Variants in SLC9A7 observed in about 807,000 individuals in gnomAD.
SLC9A7 encodes solute carrier family 9 member A7.
SLC9A7 carries 19 observed loss-of-function variants against 52.6 expected under a neutral mutation model. The observed-to-expected ratio is 0.36, with a 90% CI of 0.25 to 0.53. SLC9A7 has a LOEUF of 0.53. SLC9A7 is among the 20% of genes least tolerant of loss of function. The pLI, the probability that SLC9A7 is intolerant of heterozygous loss-of-function variation, is 0.91. For synonymous variants in SLC9A7, 226 were observed against 252.1 expected (o/e 0.90, Z 0.98); for missense variants, 455 against 597.9 (o/e 0.76, Z 2.49).
At position 46,662,644 on chromosome X, in the gene SLC9A7, C is replaced by T; in HGVS notation, c.794-1G>A. On this transcript the variant is annotated splice_acceptor_variant, in intron 5 of 16. Coordinates refer to ENST00000616978, the MANE Select transcript of SLC9A7 (RefSeq NM_001257291.2). LOFTEE classifies it high-confidence loss of function. ...TCATTAAATATCGCCAGCACAGTCA[C>T]TGAAAAGTGAGCCGAAAGCACAGAA... 8.4e-7 allele frequency: 1 copy of T among 1,192,871 alleles called. No individual in the cohort carries two copies. The highest frequency in any genetic ancestry group is 1.1e-6 in the Non-Finnish European group (1 of 879,624).
intron 15 of SLC9A7, among the ~76,000 whole-genome samples, chrX:46,618,418 G>A (rs1190751189): frequency 9.0e-6 from 1 of 110,952 alleles, no homozygotes; most frequent in Non-Finnish European, 1.9e-5. Flanking sequence ...GTTAGGCAGA[G>A]CATCTCAAAT....
At chrX:46,626,763 T>A (rs1943137002) in intron 14 of SLC9A7, among the ~76,000 whole-genome samples, 1 of 111,972 alleles carries the variant, frequency 8.9e-6, no homozygotes, top group Admixed American at 9.4e-5. Flanking sequence ...TCCCCCTTGC[T>A]CTCTCTCTCT....
rs1942684106 is a variant in SLC9A7, at chrX:46,603,106, G to T, written c.*3846C>A. On this transcript the variant is annotated 3_prime_UTR_variant, in exon 17 of 17. Transcript: ENST00000616978. ...CCAGCTTCCTAACACACAAAGAAAG[G>T]CCGGGGTAGGGTTACTGGGCAAATG... The T allele has an allele frequency of 9.0e-6, 1 of 111,235 alleles. No individual in the cohort carries two copies. The highest frequency in any genetic ancestry group is 3.3e-5 in the African/African-American group (1 of 30,574). The allele number at this position is 111,235 out of a possible 1,213,427, so 9.2% of individuals were successfully genotyped here.
At chrX:46,675,103 G>C (rs1356255568) in intron 3 of SLC9A7, among the ~76,000 whole-genome samples, 1 of 100,318 alleles carries the variant, frequency 1.0e-5, no homozygotes, top group African/African-American at 4.3e-5. Flanking sequence ...GTGTGTGTGT[G>C]TGTGTGTGTG....
chrX:46,678,345 C>T (rs1252808937), intron 3 of SLC9A7, among the ~76,000 whole-genome samples: 2 of 111,254 alleles, frequency 1.8e-5, no homozygotes, highest in Non-Finnish European at 3.8e-5. Context: ...AATTTTCAGA[C>T]AATATTACCA....
At chrX:46,648,579 A>G in intron 11 of SLC9A7, 107 bp downstream of exon 11, 1 of 595,167 alleles carries the variant, frequency 1.7e-6, no homozygotes, top group Non-Finnish European at 2.7e-6. Context: ...CAAACGGACC[A>G]GAAACTTGAA....
rs1304542456 is a variant in SLC9A7, at chrX:46,602,398, G to T, written c.*4554C>A. The T allele has an allele frequency of 2.7e-5, 3 of 111,645 alleles. No individual in the cohort carries two copies. 9.2% of individuals were successfully genotyped at this position (111,645 alleles called of 1,213,427 possible). ...TCTGCTGGGCCATTCTTTAAAATCA[G>T]ATTCCAAATAGTCTAGAGGTCTGCT... On this transcript the variant is annotated 3_prime_UTR_variant, in exon 17 of 17. Transcript: ENST00000616978.
intron 1 of SLC9A7, among the ~76,000 whole-genome samples, chrX:46,751,679 G>T (rs1922245761): frequency 9.0e-6 from 1 of 110,535 alleles, no homozygotes; most frequent in Non-Finnish European, 1.9e-5. Context: ...GCGTAGTGGT[G>T]AGCACCTGTA....
intron 8 of SLC9A7, among the ~76,000 whole-genome samples, chrX:46,652,309 C>T (rs1017722731): frequency 1.8e-5 from 2 of 110,945 alleles, no homozygotes; most frequent in Non-Finnish European, 3.8e-5. Context: ...CACCACCACA[C>T]CCAGCTAATT....
At chrX:46,705,668 C>G (rs1944593625) in intron 1 of SLC9A7, among the ~76,000 whole-genome samples, 1 of 111,426 alleles carries the variant, frequency 9.0e-6, no homozygotes, top group African/African-American at 3.3e-5. Flanking sequence ...GATGTTGTCT[C>G]TACAAAAAAA....
At chrX:46,648,913 G>A in intron 10 of SLC9A7, 116 bp from the exon 11 acceptor site, 1 of 508,602 alleles carries the variant, frequency 2.0e-6, no homozygotes, top group Admixed American at 3.5e-5. Flanking sequence ...AGTCCAGAGA[G>A]CTGCCCAAAG....
At chrX:46,725,352 G>A in intron 1 of SLC9A7, 1 of 1,185,933 alleles carries the variant, frequency 8.4e-7, no homozygotes, top group Non-Finnish European at 1.1e-6. Context: ...ATCCAGTTCT[G>A]GTGTGCCATA....
At chrX:46,712,857 T>C (rs1484540659) in intron 1 of SLC9A7, among the ~76,000 whole-genome samples, 2 of 111,996 alleles carry the variant, frequency 1.8e-5, no homozygotes, top group Non-Finnish European at 3.8e-5. Flanking sequence ...AAATTAGGTA[T>C]ACTCAGGCTA....
chrX:46,659,911 G>A (rs1943782295), intron 7 of SLC9A7, among the ~76,000 whole-genome samples: 1 of 109,000 alleles, frequency 9.2e-6, no homozygotes, highest in East Asian at 2.9e-4. Context: ...AGCCTGCATC[G>A]CCAAGTCAAT....
chrX:46,607,627 T>G (rs768058792), intron 16 of SLC9A7, among the ~76,000 whole-genome samples: 3 of 111,030 alleles, frequency 2.7e-5, no homozygotes, highest in Non-Finnish European at 3.8e-5. Context: ...CCGTCTTGTT[T>G]ACATTGGAAC....
chrX:46,755,959 G>A (rs1388488169), intron 1 of SLC9A7, among the ~76,000 whole-genome samples: 1 of 108,978 alleles, frequency 9.2e-6, no homozygotes, highest in Non-Finnish European at 1.9e-5. Context: ...TCTATTGCAT[G>A]TCCTTCCAGA....
At chrX:46,746,222 G>A (rs1204944505) in intron 1 of SLC9A7, among the ~76,000 whole-genome samples, 2 of 110,324 alleles carry the variant, frequency 1.8e-5, no homozygotes, top group African/African-American at 3.3e-5. Flanking sequence ...CCAGCTACTC[G>A]GGAGGCTGAG....
intron 7 of SLC9A7, among the ~76,000 whole-genome samples, chrX:46,661,545 T>TC (rs1295091504): frequency 9.0e-6 from 1 of 111,409 alleles, no homozygotes; most frequent in African/African-American, 3.3e-5. Flanking sequence ...TTCCACACTG[T>TC]TTTTTTAGTT....
intron 1 of SLC9A7, among the ~76,000 whole-genome samples, chrX:46,730,707 T>TATATATATATAA (rs1945024235): frequency 4.2e-5 from 3 of 70,735 alleles, no homozygotes; most frequent in Non-Finnish European, 8.1e-5. Context: ...TATATATATA[T>TATATATATATAA]ATAAAATGGA....
Sources: gnomAD v4.1 joint callset for allele counts (sites outside exome capture counted in the v4.1 genomes callset) on GRCh38, gnomAD v4.1.1 for gene constraint, MANE v1.5 for transcripts, NCBI Gene and HGNC (gene_info 2026-07-23, HGNC 2026-07-21) for gene names.